CDK13: variants seen among roughly 807,000 people sequenced by gnomAD.
CDK13 encodes cyclin-dependent kinase 13.
CDK13 carries 40 observed loss-of-function variants against 137.6 expected under a neutral mutation model. The ratio of observed to expected loss-of-function variants is 0.29; its 90% CI spans 0.23 to 0.38. The LOEUF is 0.38. Among genes scored for constraint, CDK13 ranks in the 10% least tolerant of loss-of-function variants. The pLI is 1.00. For missense variants in CDK13, 1,704 were observed against 1,951.8 expected, an observed-to-expected ratio of 0.87 and a Z score of 2.39; for synonymous variants, 869 against 760.1, an observed-to-expected ratio of 1.14 and a Z score of -2.36.
Position 40,000,707 on chromosome 7 carries a change from CTGTT to C in CDK13, c.2183-1153_2183-1150del, listed in dbSNP as rs368670865. Among the ~76,000 whole-genome samples, 58 of 152,270 alleles carry C rather than the reference CTGTT, an allele frequency of 3.8e-4. 1 individual carries two copies. The South Asian group carries it at 0.012, about 30-fold the overall frequency. ...AAAGATTAAATGACAACTTTTAAAA[CTGTT>C]AAGTAAAACGGACTCATACACAATA... On this transcript the variant is annotated intron_variant, in intron 4 of 13. Transcript: ENST00000181839.
intron 1 of CDK13, among the ~76,000 whole-genome samples, chr7:39,981,179 C>T (rs977264264): frequency 6.6e-6 from 1 of 152,046 alleles, no homozygotes; most frequent in South Asian, 2.1e-4. Flanking sequence ...TCAGCCTGGA[C>T]AATATGGCGA....
intron 11 of CDK13, among the ~76,000 whole-genome samples, chr7:40,085,136 A>G (rs1229136811): frequency 6.6e-6 from 1 of 152,116 alleles, no homozygotes; most frequent in Admixed American, 6.5e-5. Context: ...CAAGACTGGC[A>G]GATCACCTGA....
intron 7 of CDK13, among the ~76,000 whole-genome samples, chr7:40,053,467 C>G (rs889547655): frequency 6.6e-6 from 1 of 152,180 alleles, no homozygotes; most frequent in African/African-American, 2.4e-5. Flanking sequence ...TTCCAGCCCC[C>G]CTGATAATAG....
intron 5 of CDK13, among the ~76,000 whole-genome samples, chr7:40,040,228 T>C (rs1785576784): frequency 6.6e-6 from 1 of 152,212 alleles, no homozygotes; most frequent in African/African-American, 2.4e-5. Flanking sequence ...GTGTATAGTG[T>C]GAGAGACAGA....
intron 1 of CDK13, among the ~76,000 whole-genome samples, chr7:39,972,435 CAGAG>C (rs1201245316): frequency 1.3e-5 from 2 of 152,176 alleles, no homozygotes; most frequent in East Asian, 3.8e-4. Context: ...TCAGTCACTC[CAGAG>C]AGAAACTCCA....
chr7:40,072,151 G>C (rs1244163313), intron 9 of CDK13: 1 of 152,066 alleles, frequency 6.6e-6, no homozygotes, highest in African/African-American at 2.4e-5. Context: ...TTTTTTGAGA[G>C]AGTCTGGTTC....
At chr7:40,049,680 T>G (rs1352939710) in intron 7 of CDK13, among the ~76,000 whole-genome samples, 1 of 152,176 alleles carries the variant, frequency 6.6e-6, no homozygotes, top group African/African-American at 2.4e-5. Context: ...ATAAATCTCT[T>G]GAATTTACTT....
At chr7:40,063,839 G>A (rs1490578769) in intron 9 of CDK13, among the ~76,000 whole-genome samples, 1 of 151,786 alleles carries the variant, frequency 6.6e-6, no homozygotes, top group Non-Finnish European at 1.5e-5. Flanking sequence ...TGTATTTGTA[G>A]CAGAGACGGG....
At position 40,088,281 on chromosome 7, in the gene CDK13, T is replaced by C. The variant is rs140002404; in HGVS notation, c.3185T>C (p.Val1062Ala). Residue 1062 changes from valine to alanine, a missense_variant, in exon 12 of 14, where the codon GTG becomes GCG. Around this residue, in one of 5 missense-constraint regions of CDK13, gnomAD observed 475 missense variants for 579.3 expected, o/e 0.82. Transcript: ENST00000181839. ...AGCAGAACCAACACACCCCAGGGTG[T>C]GCTGCCATCTTCACAGCTGAAATCT... ...DDSRTNTPQGVLPSSQLKSQG... is the reference protein window; with the variant it reads ...DDSRTNTPQGALPSSQLKSQG... 5.6e-5 allele frequency: 91 copies of C among 1,613,952 alleles called. No individual in the cohort carries two copies. In the African/African-American group the frequency reaches 1.1e-3, roughly 20 times the overall value.
At chr7:39,962,586 T>A (rs559468140) in intron 1 of CDK13, among the ~76,000 whole-genome samples, 1 of 152,366 alleles carries the variant, frequency 6.6e-6, no homozygotes, top group Admixed American at 6.5e-5. Flanking sequence ...GTAGGTTGCC[T>A]GTTCACTCTG....
intron 2 of CDK13, among the ~76,000 whole-genome samples, chr7:39,990,869 AT>A (rs1290961231): frequency 6.6e-6 from 1 of 152,286 alleles, no homozygotes; most frequent in African/African-American, 2.4e-5. Flanking sequence ...CATAGTATAA[AT>A]CAGCACTGCT....
chr7:39,996,728 C>G (rs1014766263), intron 2 of CDK13, among the ~76,000 whole-genome samples: 12 of 151,896 alleles, frequency 7.9e-5, no homozygotes, highest in African/African-American at 2.7e-4. Flanking sequence ...GTTGTGAGGC[C>G]AAGGCGGGTG....
At chr7:40,093,995 C>A in intron 13 of CDK13, 135 bp from the exon 14 acceptor site, 1 of 1,023,034 alleles carries the variant, frequency 9.8e-7, no homozygotes, top group Non-Finnish European at 1.4e-6. Context: ...AAACTTTTTG[C>A]TTTTTTCATT....
At chr7:40,083,103 CAA>C (rs34744742) in intron 11 of CDK13, among the ~76,000 whole-genome samples, 253 of 100,382 alleles carry the variant, frequency 2.5e-3, no homozygotes, top group Middle Eastern at 0.01. Context: ...ACTCTGTCTC[CAA>C]AAAAAAAAAA....
chr7:39,992,163 G>GGGGGT (rs550297232), intron 2 of CDK13, among the ~76,000 whole-genome samples: 3 of 146,310 alleles, frequency 2.1e-5, no homozygotes, highest in Non-Finnish European at 4.5e-5. Context: ...AACTAATGAG[G>GGGGGT]GTGTGTGTGT....
intron 5 of CDK13, among the ~76,000 whole-genome samples, chr7:40,022,540 A>G (rs934522753): frequency 6.6e-6 from 1 of 152,082 alleles, no homozygotes; most frequent in Non-Finnish European, 1.5e-5. Context: ...AGCACCAATT[A>G]TATACCAAAC....
chr7:40,083,830 G>T (rs1023050752), intron 11 of CDK13, among the ~76,000 whole-genome samples: 6 of 152,064 alleles, frequency 3.9e-5, no homozygotes, highest in African/African-American at 1.4e-4. Context: ...GTATCAGATT[G>T]ATCCAATATT....
In CDK13 at chr7:40,095,854, G is replaced by C. The variant is rs2150549565; in HGVS notation, c.*874G>C. ...ACTTTCTCCTTTTCTGCCTGTCTTT[G>C]GGCTGTGTTGCCTTTCACTACCACC... On this transcript the variant is annotated 3_prime_UTR_variant, in exon 14 of 14. Transcript: ENST00000181839. The C allele has an allele frequency of 6.6e-6, 1 of 152,274 alleles. No homozygotes were observed. Among genetic ancestry groups the C allele is most frequent in the East Asian group, 1.9e-4 (1 of 5,186 alleles). 9.4% of individuals were successfully genotyped at this position (152,274 alleles called of 1,614,324 possible).
intron 1 of CDK13, chr7:39,986,113 A>C (rs992470197): frequency 6.6e-6 from 1 of 152,264 alleles, no homozygotes; most frequent in African/African-American, 2.4e-5. Flanking sequence ...AATAAGCAAC[A>C]CAACTACTAA....
Sources: allele counts gnomAD v4.1 joint callset (sites outside exome capture counted in the v4.1 genomes callset), GRCh38; gene constraint gnomAD v4.1.1; regional missense constraint gnomAD v4.1.1; transcripts MANE v1.5; gene names NCBI Gene and HGNC (gene_info 2026-07-23, HGNC 2026-07-21).